SI: variants seen among roughly 807,000 people sequenced by gnomAD.
The protein encoded by SI is sucrase-isomaltase.
In SI, 235 loss-of-function variants were observed where a neutral mutation model predicts 253.3. That is an observed-to-expected ratio of 0.93 (90% confidence interval 0.83 to 1.03). SI has a LOEUF of 1.03. Among genes scored for constraint, SI ranks in the 50% least tolerant of loss-of-function variants. The probability of loss-of-function intolerance (pLI) is 0.00; values close to 1 mark genes in which losing one functional copy is unlikely to be tolerated. For synonymous variants in SI, 819 were observed against 712.0 expected, an observed-to-expected ratio of 1.15 and a Z score of -2.39; for missense variants, 2,442 against 2,211.1, an observed-to-expected ratio of 1.10 and a Z score of -2.09.
At chr3:164,986,255 G>A (rs1717427487) in intron 45 of SI, among the ~76,000 whole-genome samples, 1 of 152,038 alleles carries the variant, frequency 6.6e-6, no homozygotes. Context: ...TTACTCTCTA[G>A]TGATAGAAAC....
At position 165,003,035 on chromosome 3, in the gene SI, A is replaced by G. The variant is rs546292291; in HGVS notation, c.4406+3781T>C. Among the ~76,000 whole-genome samples the G allele has an allele frequency of 5.3e-5, 8 of 151,848 alleles. No homozygotes were observed. In the South Asian group the frequency reaches 1.7e-3, roughly 31 times the overall value. ...GTGGAAATGGACTTTACATACGCTT[A>G]AATATCTCTGCATATGGACTATTTG... On this transcript the variant is annotated intron_variant, in intron 37 of 47. Transcript: ENST00000264382.
At chr3:165,078,127 C>T (rs1174844199) in intron 1 of SI, among the ~76,000 whole-genome samples, 1 of 151,176 alleles carries the variant, frequency 6.6e-6, no homozygotes, top group Non-Finnish European at 1.5e-5. Flanking sequence ...TTTTCAAAAT[C>T]TTAATCAGTA....
intron 45 of SI, among the ~76,000 whole-genome samples, chr3:164,985,598 G>T (rs916612956): frequency 6.6e-6 from 1 of 152,110 alleles, no homozygotes; most frequent in Admixed American, 6.6e-5. Context: ...GATAAAAGAT[G>T]CATGTCTTTG....
At chr3:165,031,016 T>A (rs1712209639) in intron 24 of SI, 149 bp from the exon 25 acceptor site, 25 of 1,188,342 alleles carry the variant, frequency 2.1e-5, no homozygotes, top group Non-Finnish European at 2.6e-5. Context: ...TCAAATTAAA[T>A]CATTAATAGT....
the SI span, among the ~76,000 whole-genome samples, chr3:165,086,729 G>A: frequency 6.6e-6 from 1 of 152,166 alleles, no homozygotes; most frequent in Non-Finnish European, 1.5e-5. Flanking sequence ...AACTCAAAGA[G>A]TTACAGGATA....
the SI span, among the ~76,000 whole-genome samples, chr3:165,089,041 G>C: frequency 2.0e-5 from 3 of 149,360 alleles, no homozygotes; most frequent in Non-Finnish European, 4.5e-5. Context: ...TCCCAAATTT[G>C]CTGTCTTGGT....
intron 16 of SI, among the ~76,000 whole-genome samples, chr3:165,045,848 ATTTTT>A (rs74590097): frequency 1.8e-3 from 218 of 120,810 alleles, no homozygotes; most frequent in East Asian, 5.3e-3. Flanking sequence ...ATGTTTTTCA[ATTTTT>A]TTTTTTTTTT....
chr3:164,984,070 T>A (rs1717324405), intron 45 of SI, among the ~76,000 whole-genome samples: 1 of 152,060 alleles, frequency 6.6e-6, no homozygotes, highest in South Asian at 2.1e-4. Flanking sequence ...GTTAAATAAA[T>A]TGCCAAAAGT....
chr3:165,006,716 A>T, intron 37 of SI, 100 bp downstream of exon 37: 1 of 1,011,260 alleles, frequency 9.9e-7, no homozygotes. Context: ...GGAAGTAAAG[A>T]GATACAAGAG....
At chr3:165,008,238 CCAT>C (rs918803628) in intron 35 of SI, among the ~76,000 whole-genome samples, 6 of 151,612 alleles carry the variant, frequency 4.0e-5, no homozygotes, top group Non-Finnish European at 7.4e-5. Context: ...TGCATTATAC[CCAT>C]AAAAATAGTT....
At chr3:165,013,514 C>A (rs927576713) in intron 33 of SI, among the ~76,000 whole-genome samples, 1 of 152,006 alleles carries the variant, frequency 6.6e-6, no homozygotes, top group Non-Finnish European at 1.5e-5. Flanking sequence ...AGTACTAAAT[C>A]CTCCTCTCCC....
intron 25 of SI, among the ~76,000 whole-genome samples, chr3:165,029,390 AAAG>A (rs1373799717): frequency 1.3e-5 from 2 of 150,650 alleles, no homozygotes; most frequent in African/African-American, 2.4e-5. Flanking sequence ...TAAAGAATTA[AAAG>A]AAGAACTACT....
chr3:165,081,040 C>T (rs1045905990), upstream of SI, among the ~76,000 whole-genome samples: 1 of 151,906 alleles, frequency 6.6e-6, no homozygotes, highest in Admixed American at 6.6e-5. Context: ...ACTTCTGCCA[C>T]CCTAGCTCTG....
intron 43 of SI, 22 bp downstream of exon 43, chr3:164,992,155 C>A: frequency 6.3e-7 from 1 of 1,595,876 alleles, no homozygotes; most frequent in African/African-American, 1.3e-5. Context: ...AGTTAATTCC[C>A]CAGAATTCCT....
In SI at chr3:164,998,543, T is replaced by C; in HGVS notation, c.4537A>G (p.Ile1513Val). The stretch of plus-strand genomic sequence containing the variant: ...AAAGATGGTGACTTTCACTTACCAA[T>C]GATTGATTTGTCCATGTTGTCCCAT... ...ARWDNMDKSI[I>V]GMMEFSLFGM... The change falls in exon 38 of 48, where the codon ATT (isoleucine) becomes GTT (valine). Residue 1513 changes from isoleucine (I) to valine (V), a missense_variant. Coordinates refer to ENST00000264382, the MANE Select transcript of SI (RefSeq NM_001041.4). 1 of 1,611,960 alleles carries C rather than the reference T, an allele frequency of 6.2e-7. No individual in the cohort carries two copies.
intron 23 of SI, 124 bp downstream of exon 23, chr3:165,033,271 T>C (rs1576898442): frequency 2.9e-6 from 2 of 694,278 alleles, no homozygotes; most frequent in Non-Finnish European, 4.2e-6. Flanking sequence ...ACAATTTATT[T>C]CATTACATTC....
At chr3:165,021,521 T>C (rs1299925333) in intron 26 of SI, 138 bp from the exon 27 acceptor site, 3 of 720,842 alleles carry the variant, frequency 4.2e-6, no homozygotes, top group Non-Finnish European at 7.3e-6. Context: ...ACATTCATGG[T>C]CCATATAACC....
chr3:165,014,325 T>TCC (rs1213481393), intron 33 of SI, among the ~76,000 whole-genome samples: 1 of 152,108 alleles, frequency 6.6e-6, no homozygotes, highest in Non-Finnish European at 1.5e-5. Flanking sequence ...CTTGGCTCAC[T>TCC]GCAAGCTCCG....
rs886058143 is a variant in SI at position 165,016,004 on chromosome 3, G to A, written c.3836C>T (p.Pro1279Leu). The change falls in exon 32 of 48, where the codon CCT becomes CTT. Residue 1279 changes from proline (P) to leucine (L), a missense_variant. Pro to Leu is a moderately conservative substitution (Grantham distance 98). Coordinates refer to ENST00000264382, the MANE Select transcript of SI (RefSeq NM_001041.4). ...FTIGEAFQDL[P>L]QFVDKIRGEG... ...TCCTCTTATTTTGTCAACAAACTGAGGAAGGTCCTGGAATGCTTCACCAAT... is the reference window on the plus strand; with the variant it reads ...TCCTCTTATTTTGTCAACAAACTGAAGAAGGTCCTGGAATGCTTCACCAAT... 1.9e-6 allele frequency: 3 copies of A among 1,611,444 alleles called. No homozygotes were observed. Among genetic ancestry groups the A allele is most frequent in the Non-Finnish European group, 2.5e-6 (3 of 1,177,824 alleles).
Sources: allele counts gnomAD v4.1 joint callset (sites outside exome capture counted in the v4.1 genomes callset), GRCh38; gene constraint gnomAD v4.1.1; transcripts MANE v1.5; gene names NCBI Gene and HGNC (gene_info 2026-07-23, HGNC 2026-07-21).